SIK3: variants seen among roughly 807,000 people sequenced by gnomAD.
SIK3 encodes the protein serine/threonine-protein kinase SIK3.
In SIK3, 28 loss-of-function variants were observed where a neutral mutation model predicts 144.2. The observed-to-expected ratio is 0.19, with a 90% confidence interval of 0.14 to 0.27. The LOEUF (loss-of-function observed/expected upper bound fraction) is 0.27. Among genes scored for constraint, SIK3 ranks in the 10% least tolerant of loss-of-function variants. The pLI, the probability that SIK3 is intolerant of heterozygous loss-of-function variation, is 1.00. For missense variants in SIK3, 1,319 were observed against 1,776.0 expected (o/e 0.74, Z 4.62); for synonymous variants, 686 against 676.3 (o/e 1.01, Z -0.22).
chr11:116,908,585 A>G (rs1946175021), intron 4 of SIK3, among the ~76,000 whole-genome samples: 1 of 152,198 alleles, frequency 6.6e-6, no homozygotes, highest in Non-Finnish European at 1.5e-5. Flanking sequence ...CTATAAATCA[A>G]TAAGACCAAT....
intron 3 of SIK3, among the ~76,000 whole-genome samples, chr11:116,949,697 C>A (rs1025750266): frequency 2.8e-4 from 43 of 152,140 alleles, no homozygotes; most frequent in Admixed American, 6.5e-5. Context: ...TCTCCCCCTG[C>A]GAACTAGCAA....
chr11:117,057,196 A>G (rs1178619133), intron 1 of SIK3, among the ~76,000 whole-genome samples: 1 of 152,258 alleles, frequency 6.6e-6, no homozygotes, highest in African/African-American at 2.4e-5. Context: ...GTACATGTAC[A>G]GAAGAAGATT....
chr11:116,918,712 G>A (rs1474806326), intron 4 of SIK3, among the ~76,000 whole-genome samples: 6 of 152,134 alleles, frequency 3.9e-5, no homozygotes, highest in East Asian at 3.9e-4. Flanking sequence ...ACGAGAAACC[G>A]TAGGCTAAAT....
At chr11:117,023,609 C>CA (rs71469123) in intron 1 of SIK3, among the ~76,000 whole-genome samples, 880 of 51,964 alleles carry the variant, frequency 0.017, 19 homozygotes, top group Admixed American at 0.059. Context: ...AACAAACAAA[C>CA]AAAAAAAAAA....
Position 116,844,629 on chromosome 11 carries a change from A to ATAATATATATACAC in SIK3, c.*1013_*1014insGTGTATATATATTA, listed in dbSNP as rs1491171268. The ATAATATATATACAC allele has an allele frequency of 9.4e-5, 4 of 42,458 alleles. No homozygotes were observed. The highest frequency in any genetic ancestry group is 2.3e-4 in the African/African-American group (1 of 4,338). 2.6% of individuals were successfully genotyped at this position (42,458 alleles called of 1,614,324 possible). A position where few individuals can be genotyped will look rare whatever the true frequency, so the allele number is the denominator to read the frequency against. ...TATATTATATATATAATATATATAT[A>ATAATATATATACAC]ATATATTATATTATATATTATATAT... On this transcript the variant is annotated 3_prime_UTR_variant, in exon 25 of 25. Coordinates refer to ENST00000445177, the MANE Select transcript of SIK3 (RefSeq NM_001366686.3).
At chr11:116,876,903 C>T (rs746350627) in intron 7 of SIK3, 21 bp downstream of exon 7, 6 of 1,601,160 alleles carry the variant, frequency 3.7e-6, no homozygotes, top group Non-Finnish European at 5.1e-6. Context: ...GAGTCCCCTG[C>T]AGCAGCGGTT....
intron 1 of SIK3, among the ~76,000 whole-genome samples, chr11:117,044,572 G>A (rs939261558): frequency 3.3e-5 from 5 of 151,462 alleles, no homozygotes; most frequent in Non-Finnish European, 7.4e-5. Context: ...ACCAAGCCTG[G>A]TCACTTTAAC....
At position 116,900,868 on chromosome 11, in the gene SIK3, T is replaced by TA. The variant is rs201175698; in HGVS notation, c.617-3552_617-3551insT. 9.3e-3 allele frequency among the ~76,000 whole-genome samples: 1,183 copies of TA among 127,466 alleles called. 14 individuals are homozygous for TA. Among genetic ancestry groups the TA allele is most frequent in the African/African-American group, 0.038 (999 of 26,396 alleles). The allele number at this position is 127,466 out of a possible 152,430, so 83.6% of individuals were successfully genotyped here. A position where few individuals can be genotyped will look rare whatever the true frequency, so the allele number is the denominator to read the frequency against. On this transcript the variant is annotated intron_variant, in intron 4 of 24. Transcript: ENST00000445177. ...TACATATACATATATATTATTTATTTTTTTTTTTTTTTTGAGACAGAGTTT... is the reference window on the plus strand; with the variant it reads ...TACATATACATATATATTATTTATTTATTTTTTTTTTTTTGAGACAGAGTTT...
chr11:116,856,787 A>G (rs145699683), intron 21 of SIK3: 80 of 152,370 alleles, frequency 5.3e-4, no homozygotes, highest in African/African-American at 1.9e-3. Context: ...GGCCTTCTCT[A>G]CTGCTCTGTG....
At chr11:116,855,205 T>A (rs1394497945) in intron 21 of SIK3, 4 of 152,044 alleles carry the variant, frequency 2.6e-5, no homozygotes, top group Non-Finnish European at 5.9e-5. Flanking sequence ...ACACTGTACT[T>A]CAAACCAGCC....
chr11:116,952,006 A>T (rs1328434485), intron 3 of SIK3, among the ~76,000 whole-genome samples: 1 of 152,030 alleles, frequency 6.6e-6, no homozygotes, highest in Non-Finnish European at 1.5e-5. Context: ...CTTAAAGAGT[A>T]AGGTAGATTG....
At chr11:117,013,903 G>GTGTGTGTGTGTGTGT (rs1555127047) in intron 1 of SIK3, among the ~76,000 whole-genome samples, 52 of 52,816 alleles carry the variant, frequency 9.8e-4, no homozygotes, top group African/African-American at 2.7e-3. Context: ...ATTCTGAGGG[G>GTGTGTGTGTGTGTGT]GGGGGGGGGA....
chr11:116,873,451 C>T, intron 13 of SIK3, 30 bp downstream of exon 13: 1 of 1,614,094 alleles, frequency 6.2e-7, no homozygotes, highest in Non-Finnish European at 8.5e-7. Context: ...GCCTCTGAGA[C>T]AGTGAATTGG....
intron 4 of SIK3, among the ~76,000 whole-genome samples, chr11:116,925,457 G>C (rs1427107124): frequency 6.6e-6 from 1 of 152,186 alleles, no homozygotes; most frequent in Non-Finnish European, 1.5e-5. Context: ...AGCTAAAAAA[G>C]GCAAGGACAC....
intron 21 of SIK3, among the ~76,000 whole-genome samples, chr11:116,853,188 TAAGTC>T (rs1474512517): frequency 3.3e-5 from 5 of 152,076 alleles, no homozygotes; most frequent in African/African-American, 4.8e-5. Flanking sequence ...AAAGACCAAA[TAAGTC>T]AAGTCTGATT....
chr11:117,004,293 T>C (rs1051533255), intron 1 of SIK3, among the ~76,000 whole-genome samples: 1 of 152,108 alleles, frequency 6.6e-6, no homozygotes, highest in Non-Finnish European at 1.5e-5. Context: ...GGTGGGCAGA[T>C]CGCTTGAGCC....
chr11:117,034,175 T>C (rs1014074242), intron 1 of SIK3, among the ~76,000 whole-genome samples: 2 of 152,178 alleles, frequency 1.3e-5, no homozygotes, highest in South Asian at 2.1e-4. Flanking sequence ...AGTTATCACA[T>C]AGAACATGAA....
intron 1 of SIK3, among the ~76,000 whole-genome samples, chr11:116,978,337 T>C (rs147859332): frequency 5.8e-4 from 88 of 152,274 alleles, no homozygotes; most frequent in African/African-American, 1.7e-3. Flanking sequence ...ATTCAAACCA[T>C]AGTTCCTACG....
At chr11:117,020,377 A>C (rs1951722621) in intron 1 of SIK3, among the ~76,000 whole-genome samples, 1 of 151,972 alleles carries the variant, frequency 6.6e-6, no homozygotes, top group Admixed American at 6.6e-5. Flanking sequence ...CAGAGTGATA[A>C]AAGCAAAAGA....
Sources: gnomAD v4.1 joint callset for allele counts (sites outside exome capture counted in the v4.1 genomes callset) on GRCh38, gnomAD v4.1.1 for gene constraint, MANE v1.5 for transcripts, NCBI Gene and HGNC (gene_info 2026-07-23, HGNC 2026-07-21) for gene names.